TACR1: variants seen among roughly 807,000 people sequenced by gnomAD.
TACR1 encodes substance-P receptor.
A neutral mutation model predicts 35.8 loss-of-function variants in TACR1; 25 were observed. The observed-to-expected ratio is 0.70, with a 90% CI of 0.51 to 0.98. The LOEUF is 0.98. Ranked by LOEUF, TACR1 falls within the 50% of genes least tolerant of loss-of-function variation. The probability of loss-of-function intolerance (pLI) is 0.00; values close to 1 mark genes in which losing one functional copy is unlikely to be tolerated. For synonymous variants in TACR1, 195 were observed against 206.7 expected (o/e 0.94, Z 0.48); for missense variants, 478 against 522.9 (o/e 0.91, Z 0.84).
intron 1 of TACR1, among the ~76,000 whole-genome samples, chr2:75,170,610 A>T (rs1675254129): frequency 6.6e-6 from 1 of 152,094 alleles, no homozygotes; most frequent in South Asian, 2.1e-4. Flanking sequence ...CTTCCTAGAG[A>T]CTTGTTGAAT....
intron 1 of TACR1, among the ~76,000 whole-genome samples, chr2:75,130,023 A>C (rs1313877472): frequency 1.3e-5 from 2 of 152,374 alleles, no homozygotes; most frequent in Admixed American, 1.3e-4. Flanking sequence ...AGGCACTCAC[A>C]GTGCAAGTGA....
chr2:75,054,047 G>A (rs1230783981), intron 2 of TACR1, among the ~76,000 whole-genome samples: 2 of 152,112 alleles, frequency 1.3e-5, no homozygotes, highest in East Asian at 3.9e-4. Context: ...ACAGGGCACT[G>A]AATCTGTTGT....
At chr2:75,141,422 T>C (rs1200782000) in intron 1 of TACR1, among the ~76,000 whole-genome samples, 1 of 152,056 alleles carries the variant, frequency 6.6e-6, no homozygotes, top group Non-Finnish European at 1.5e-5. Context: ...AGCTCAAAGC[T>C]GCCATGCAGA....
intron 1 of TACR1, among the ~76,000 whole-genome samples, chr2:75,125,546 C>T (rs1025257006): frequency 2.0e-5 from 3 of 152,130 alleles, no homozygotes; most frequent in Admixed American, 6.6e-5. Context: ...CCTTGGCCTG[C>T]CCAGGTGCTG....
intron 2 of TACR1, among the ~76,000 whole-genome samples, chr2:75,094,859 A>ATATATATATATATATATATATATATATAT: frequency 5.3e-5 from 6 of 113,128 alleles, no homozygotes; most frequent in African/African-American, 2.4e-4. Flanking sequence ...ATATATATAT[A>ATATATATATATATATATATATATATATAT]TTTTTTTTTT....
intron 2 of TACR1, among the ~76,000 whole-genome samples, chr2:75,100,413 G>A (rs139333906): frequency 1.6e-3 from 241 of 152,232 alleles, no homozygotes; most frequent in African/African-American, 5.2e-3. Context: ...TGGTTGTCTC[G>A]ATTTGGAATT....
chr2:75,050,584 C>A (rs919799430), intron 4 of TACR1, among the ~76,000 whole-genome samples: 1 of 152,314 alleles, frequency 6.6e-6, no homozygotes, highest in South Asian at 2.1e-4. Context: ...GACCACCATT[C>A]TGGATGGGCT....
chr2:75,190,655 T>A (rs1189334715), intron 1 of TACR1, among the ~76,000 whole-genome samples: 5 of 152,210 alleles, frequency 3.3e-5, no homozygotes, highest in Admixed American at 3.3e-4. Flanking sequence ...TTCCCTCTCT[T>A]CTTACCTTCT....
At chr2:75,189,620 C>T (rs925409025) in intron 1 of TACR1, 1 of 152,158 alleles carries the variant, frequency 6.6e-6, no homozygotes, top group African/African-American at 2.4e-5. Flanking sequence ...TTTGGATGCT[C>T]AGGAGAACCT....
chr2:75,093,174 A>G (rs1034825829), intron 2 of TACR1, among the ~76,000 whole-genome samples: 1 of 152,190 alleles, frequency 6.6e-6, no homozygotes, highest in East Asian at 1.9e-4. Flanking sequence ...ACAACAGCCT[A>G]CACATGTTTA....
chr2:75,055,482 C>A lies in TACR1; in HGVS notation c.585-1727G>T, dbSNP rs557083849. 6.6e-4 allele frequency among the ~76,000 whole-genome samples: 101 copies of A among 152,306 alleles called. 1 individual carries two copies. In the South Asian group the frequency reaches 7.5e-3, roughly 11 times the overall value. ...ATTGTGTTTCCTAGCTGATCTCAGT[C>A]CCTCCTGGTTGCTGTAATGGCATTG... is the stretch of plus-strand genomic sequence containing the variant. On this transcript the variant is annotated intron_variant, in intron 2 of 4. Coordinates refer to ENST00000305249, the MANE Select transcript of TACR1 (RefSeq NM_001058.4).
chr2:75,135,699 G>A (rs2103937634), intron 1 of TACR1, among the ~76,000 whole-genome samples: 1 of 152,300 alleles, frequency 6.6e-6, no homozygotes, highest in African/African-American at 2.4e-5. Flanking sequence ...CATCCCTGTA[G>A]TCCCCACATG....
intron 1 of TACR1, among the ~76,000 whole-genome samples, chr2:75,183,363 T>A (rs1324764269): frequency 2.0e-5 from 3 of 152,324 alleles, no homozygotes; most frequent in Non-Finnish European, 2.9e-5. Flanking sequence ...GTTTAATTTT[T>A]AAAAATTGCA....
At chr2:75,057,201 A>G (rs896479301) in intron 2 of TACR1, among the ~76,000 whole-genome samples, 33 of 151,728 alleles carry the variant, frequency 2.2e-4, no homozygotes, top group African/African-American at 7.3e-4. Flanking sequence ...GCCTTAACTG[A>G]TGACATTACC....
intron 1 of TACR1, chr2:75,154,225 C>T (rs188340872): frequency 6.6e-6 from 1 of 152,220 alleles, no homozygotes; most frequent in African/African-American, 2.4e-5. Context: ...GCTGCCCAAG[C>T]AGGAAAATCC....
intron 2 of TACR1, among the ~76,000 whole-genome samples, chr2:75,072,541 C>G (rs1436260303): frequency 2.0e-5 from 3 of 152,228 alleles, no homozygotes; most frequent in Non-Finnish European, 4.4e-5. Flanking sequence ...TAAGCCTAAC[C>G]CAAACTGGGC....
At chr2:75,178,387 G>C (rs1271426664) in intron 1 of TACR1, among the ~76,000 whole-genome samples, 1 of 151,992 alleles carries the variant, frequency 6.6e-6, no homozygotes, top group Admixed American at 6.5e-5. Context: ...GTTTCACCAT[G>C]TTGGCCAGGC....
chr2:75,094,046 C>A (rs540974220), intron 2 of TACR1, among the ~76,000 whole-genome samples: 1 of 152,208 alleles, frequency 6.6e-6, no homozygotes, highest in East Asian at 1.9e-4. Context: ...CCTGACACCA[C>A]GTTTTCGTAG....
At position 75,058,270 on chromosome 2, in the gene TACR1, A is replaced by C. The variant is rs144335181; in HGVS notation, c.585-4515T>G. On this transcript the variant is annotated intron_variant, in intron 2 of 4. Coordinates refer to ENST00000305249, the MANE Select transcript of TACR1 (RefSeq NM_001058.4). ...GTCTTTTTCAGAAAAGTATTTTTTA[A>C]AATCATATCTTGTAGTTAACTGGAG... 4.9e-4 allele frequency among the ~76,000 whole-genome samples: 74 copies of C among 152,334 alleles called. No homozygotes were observed. The East Asian group carries it at 0.014, about 29-fold the overall frequency.
Sources: allele counts gnomAD v4.1 joint callset (sites outside exome capture counted in the v4.1 genomes callset), GRCh38; gene constraint gnomAD v4.1.1; transcripts MANE v1.5; gene names NCBI Gene and HGNC (gene_info 2026-07-23, HGNC 2026-07-21).